Variants in PDHX observed in about 807,000 individuals in gnomAD.
The protein encoded by PDHX is pyruvate dehydrogenase complex component X, also known as pyruvate dehydrogenase protein X component, mitochondrial.
A neutral mutation model predicts 55.3 loss-of-function variants in PDHX; 33 were observed. That is an observed-to-expected ratio of 0.60 (90% CI 0.45 to 0.80). The LOEUF (loss-of-function observed/expected upper bound fraction) is 0.80, where lower values mean the gene tolerates loss of function less well. Among genes scored for constraint, PDHX ranks in the 30% least tolerant of loss-of-function variants. PDHX has a pLI of 0.00. For synonymous variants in PDHX, 226 were observed against 219.4 expected, an observed-to-expected ratio of 1.03 and a Z score of -0.27; for missense variants, 622 against 619.9, an observed-to-expected ratio of 1.00 and a Z score of -0.04.
rs1459944135 is a variant in PDHX, at chr11:34,960,485, C to T, written c.608C>T (p.Thr203Ile). ...CACTCACTGGATGCTAGCCAGGGCA[C>T]AGCCACTGGCCCTCGGGGGATATTC... ...EKHSLDASQG[T>I]ATGPRGIFTK... The change falls in exon 5 of 11, where the codon ACA (threonine) becomes ATA (isoleucine). Residue 203 changes from threonine to isoleucine, a missense_variant. Coordinates refer to ENST00000227868, the MANE Select transcript of PDHX (RefSeq NM_003477.3). 2 of 1,611,136 alleles carry T rather than the reference C, an allele frequency of 1.2e-6. No homozygotes were observed. The highest frequency in any genetic ancestry group is 1.7e-6 in the Non-Finnish European group (2 of 1,177,450).
At chr11:34,973,840 T>G (rs1855305415) in intron 7 of PDHX, among the ~76,000 whole-genome samples, 1 of 152,032 alleles carries the variant, frequency 6.6e-6, no homozygotes, top group Non-Finnish European at 1.5e-5. Context: ...TATTTATCTG[T>G]ACTTTTTTTC....
rs140782156 is a variant in PDHX, at chr11:34,963,998, A to G, written c.642-2642A>G. On this transcript the variant is annotated intron_variant, in intron 5 of 10. Coordinates refer to ENST00000227868, the MANE Select transcript of PDHX (RefSeq NM_003477.3). ...CTAGTGTGTTTTAGTGGTATTTTCA[A>G]AATGAATTCATGTCACACCCAAATG... Among the ~76,000 whole-genome samples the G allele has an allele frequency of 7.6e-3, 1,163 of 152,278 alleles. 14 individuals carry two copies. The highest frequency in any genetic ancestry group is 0.027 in the African/African-American group (1,111 of 41,552).
intron 1 of PDHX, among the ~76,000 whole-genome samples, chr11:34,922,864 TTGTGTGTGTGTGTG>T (rs60096111): frequency 4.9e-5 from 7 of 143,368 alleles, no homozygotes; most frequent in African/African-American, 1.0e-4. Context: ...CAAAGTATCG[TTGTGTGTGTGTGTG>T]TGTGTGTGTG....
chr11:34,977,678 T>G, intron 7 of PDHX: 1 of 439,376 alleles, frequency 2.3e-6, no homozygotes, highest in South Asian at 1.6e-5. Context: ...ACTGTTCTAG[T>G]ATAATCAGTA....
intron 7 of PDHX, among the ~76,000 whole-genome samples, chr11:34,971,034 A>G (rs538623828): frequency 2.6e-5 from 4 of 152,264 alleles, no homozygotes; most frequent in African/African-American, 9.6e-5. Flanking sequence ...ATTTTTTGGT[A>G]TGGTATTTAA....
In PDHX at chr11:34,958,415, C is replaced by T. The variant is rs530730823; in HGVS notation, c.542+832C>T. ...TTCTGGGTTCAAGCGATTCTCCTGC[C>T]TCAGCCTCCTGAGTAGCTGGAATTA... On this transcript the variant is annotated intron_variant, in intron 4 of 10. Transcript: ENST00000227868. Among the ~76,000 whole-genome samples the T allele has an allele frequency of 5.9e-5, 9 of 152,204 alleles. 1 individual carries two copies. Among genetic ancestry groups the T allele is most frequent in the African/African-American group, 2.2e-4 (9 of 41,538 alleles).
chr11:34,953,770 T>A (rs1854838450), intron 3 of PDHX, among the ~76,000 whole-genome samples: 1 of 152,212 alleles, frequency 6.6e-6, no homozygotes, highest in Admixed American at 6.5e-5. Flanking sequence ...CTTGTGATCT[T>A]GAGCAAGTTA....
chr11:34,927,451 A>G (rs534908169), intron 1 of PDHX, among the ~76,000 whole-genome samples: 2 of 152,102 alleles, frequency 1.3e-5, no homozygotes, highest in Non-Finnish European at 2.9e-5. Context: ...ATTAATTAAT[A>G]TTAGGTAAAG....
intron 3 of PDHX, among the ~76,000 whole-genome samples, chr11:34,950,276 T>C (rs1854725005): frequency 6.6e-6 from 1 of 151,942 alleles, no homozygotes; most frequent in Non-Finnish European, 1.5e-5. Context: ...ATTGAGAAAA[T>C]AGCCTCTCAG....
Position 34,929,937 on chromosome 11 carries a change from C to CTGTG in PDHX, c.161-1466_161-1463dup, listed in dbSNP as rs1285907034. On this transcript the variant is annotated intron_variant, in intron 1 of 10. Coordinates refer to ENST00000227868, the MANE Select transcript of PDHX (RefSeq NM_003477.3). Reference sequence around the variant, plus strand: ...TTGGATTGGAGAATGTGACTTAGATCTGTGGCCTTCTAAGACTGGGCTTCT... The same window carrying CTGTG: ...TTGGATTGGAGAATGTGACTTAGATCTGTGTGTGGCCTTCTAAGACTGGGCTTCT... 5.9e-5 allele frequency among the ~76,000 whole-genome samples: 9 copies of CTGTG among 152,336 alleles called. No homozygotes were observed. The South Asian group carries it at 8.3e-4, about 14-fold the overall frequency.
Position 34,966,821 on chromosome 11 carries a change from T to C in PDHX, c.816+7T>C, listed in dbSNP as rs376411195. 5.0e-6 allele frequency: 8 copies of C among 1,610,046 alleles called. No homozygotes were observed. The African/African-American group carries it at 9.4e-5, about 19-fold the overall frequency. On this transcript the variant is annotated splice_region_variant and intron_variant, in intron 6 of 10. Transcript: ENST00000227868. The stretch of plus-strand genomic sequence containing the variant: ...TGGACAACCCAATGCAGTGGTAGTG[T>C]TCTCTAAGTGGATTTTTATTTCTTT...
intron 7 of PDHX, among the ~76,000 whole-genome samples, chr11:34,975,195 A>G (rs1855340677): frequency 6.6e-6 from 1 of 151,660 alleles, no homozygotes; most frequent in South Asian, 2.1e-4. Flanking sequence ...AGATTTTTGC[A>G]TTACCAATTT....
rs755786859 is a variant in PDHX, at chr11:34,947,497, G to C, written c.242-9G>C. ...TAAAAAACAAAACAAACCCAGTCTT[G>C]TTTTGTAGGTGAAGCGGTGAGTGCT... On this transcript the variant is annotated splice_polypyrimidine_tract_variant and intron_variant, in intron 2 of 10. Coordinates refer to ENST00000227868, the MANE Select transcript of PDHX (RefSeq NM_003477.3). 6.3e-7 allele frequency: 1 copy of C among 1,599,302 alleles called. No homozygotes were observed. Among genetic ancestry groups the C allele is most frequent in the East Asian group, 2.2e-5 (1 of 44,752 alleles).
At chr11:34,959,214 C>A (rs1291853636) in intron 4 of PDHX, among the ~76,000 whole-genome samples, 1 of 151,832 alleles carries the variant, frequency 6.6e-6, no homozygotes, top group Non-Finnish European at 1.5e-5. Context: ...TGTATACATA[C>A]AATTCAACCT....
chr11:34,978,283 T>G, intron 8 of PDHX, 101 bp downstream of exon 8: 1 of 745,082 alleles, frequency 1.3e-6, no homozygotes, highest in Non-Finnish European at 2.4e-6. Flanking sequence ...TCACAAAAAT[T>G]TTATAATTGT....
chr11:34,978,574 C>T (rs1023500081), intron 8 of PDHX, among the ~76,000 whole-genome samples: 36 of 152,116 alleles, frequency 2.4e-4, no homozygotes, highest in Non-Finnish European at 2.9e-4. Flanking sequence ...AAAAGGGAAG[C>T]GAGGGAAGCC....
At chr11:34,976,319 A>AT (rs942670084) in intron 7 of PDHX, among the ~76,000 whole-genome samples, 1 of 152,180 alleles carries the variant, frequency 6.6e-6, no homozygotes, top group African/African-American at 2.4e-5. Context: ...AGAATGTTTG[A>AT]TATTACCTTA....
rs745475982 is a variant in PDHX at position 34,960,446 on chromosome 11, A to G, written c.569A>G (p.Asn190Ser). Residue 190 changes from asparagine (N) to serine (S), a missense_variant, in exon 5 of 11, where the codon AAT (asparagine) becomes AGT (serine). Coordinates refer to ENST00000227868, the MANE Select transcript of PDHX (RefSeq NM_003477.3). Reference sequence around the variant, plus strand: ...TTCCGTTTAAGTCCAGCTGCCCGCAATATTCTGGAAAAACACTCACTGGAT... The same window carrying G: ...TTCCGTTTAAGTCCAGCTGCCCGCAGTATTCTGGAAAAACACTCACTGGAT... ...LRFRLSPAAR[N>S]ILEKHSLDAS... The G allele has an allele frequency of 8.7e-6, 14 of 1,613,446 alleles. No individual in the cohort carries two copies. In the Middle Eastern group the frequency reaches 8.3e-4, roughly 95 times the overall value.
upstream of PDHX, chr11:34,916,338 G>A (rs747343062): frequency 6.3e-7 from 1 of 1,598,924 alleles, no homozygotes; most frequent in South Asian, 1.1e-5. Flanking sequence ...TTTGCGCGCG[G>A]CGCTTAGCCT....
Sources: gnomAD v4.1 joint callset for allele counts (sites outside exome capture counted in the v4.1 genomes callset) on GRCh38, gnomAD v4.1.1 for gene constraint, MANE v1.5 for transcripts, NCBI Gene and HGNC (gene_info 2026-07-23, HGNC 2026-07-21) for gene names.